Variants in ERBB2 observed in about 807,000 individuals in gnomAD.
The protein encoded by ERBB2 is receptor tyrosine-protein kinase erbB-2.
In ERBB2, 61 loss-of-function variants were observed where a neutral mutation model predicts 149.0. That is an observed-to-expected ratio of 0.41 (90% CI 0.33 to 0.51). ERBB2 has a LOEUF of 0.51. Among genes scored for constraint, ERBB2 ranks in the 20% least tolerant of loss-of-function variants. The pLI, the probability that ERBB2 is intolerant of heterozygous loss-of-function variation, is 0.25. For missense variants in ERBB2, 1,205 were observed against 1,655.1 expected, an observed-to-expected ratio of 0.73 and a Z score of 4.72; for synonymous variants, 633 against 678.8, an observed-to-expected ratio of 0.93 and a Z score of 1.05.
At chr17:39,698,602 C>T (rs1180823120), upstream of ERBB2, among the ~76,000 whole-genome samples, 4 of 146,260 alleles carry the variant, frequency 2.7e-5, no homozygotes, top group Non-Finnish European at 1.5e-5. Flanking sequence ...CCAGAGGCCC[C>T]TGTTTCTCAA....
rs368210132 is a variant in ERBB2, at chr17:39,710,372, T to C, written c.792T>C (p.Cys264=). 2.2e-5 allele frequency: 35 copies of C among 1,614,094 alleles called. No homozygotes were observed. The African/African-American group carries it at 4.5e-4, about 21-fold the overall frequency. ...TCCACTTCAACCACAGTGGCATCTG[T>C]GAGCTGCACTGCCCAGCCCTGGTCA... ...ACLHFNHSGI[C]ELHCPALVTY... Residue 264 remains cysteine (C), a synonymous_variant, in exon 7 of 27, where the codon TGT becomes TGC. Coordinates refer to ENST00000269571, the MANE Select transcript of ERBB2 (RefSeq NM_004448.4).
chr17:39,712,432 C>T lies in ERBB2; in HGVS notation c.1132C>T (p.Pro378Ser), dbSNP rs2145579744. ...KKIFGSLAFL[P>S]ESFDGDPASN... Reference sequence around the variant, plus strand: ...GATCTTTGGGAGCCTGGCATTTCTGCCGGAGAGCTTTGATGGGTAAGAGTG... The same window carrying T: ...GATCTTTGGGAGCCTGGCATTTCTGTCGGAGAGCTTTGATGGGTAAGAGTG... Residue 378 changes from proline (P) to serine (S), a missense_variant, in exon 9 of 27, where the codon CCG becomes TCG. Pro to Ser is a moderately conservative substitution (Grantham distance 74, BLOSUM62 -1). Coordinates refer to ENST00000269571, the MANE Select transcript of ERBB2 (RefSeq NM_004448.4). 6.2e-7 allele frequency: 1 copy of T among 1,613,644 alleles called. No homozygotes were observed. Among genetic ancestry groups the T allele is most frequent in the East Asian group, 2.2e-5 (1 of 44,878 alleles).
rs181793515 is a variant in ERBB2 at position 39,724,257 on chromosome 17, T to C, written c.2307+247T>C. ...CCTCAGGCTCCTGAGTAGCTGGGAT[T>C]ACAAGCGCCCGCTAATTTTTTTTTT... On this transcript the variant is annotated intron_variant, in intron 19 of 26. Coordinates refer to ENST00000269571, the MANE Select transcript of ERBB2 (RefSeq NM_004448.4). Among the ~76,000 whole-genome samples, 7 of 150,418 alleles carry C rather than the reference T, an allele frequency of 4.7e-5. No homozygotes were observed. In the East Asian group the frequency reaches 1.2e-3, roughly 25 times the overall value.
In ERBB2 at chr17:39,724,921, T is replaced by C. The variant is rs1319041227; in HGVS notation, c.2493+10T>C. On this transcript the variant is annotated intron_variant, in intron 20 of 26. Coordinates refer to ENST00000269571, the MANE Select transcript of ERBB2 (RefSeq NM_004448.4). Reference sequence around the variant, plus strand: ...TATGCAGATTGCCAAGGTATGCACCTGGGCTCTTTGCAGGTCTCTCCGGAG... The same window carrying C: ...TATGCAGATTGCCAAGGTATGCACCCGGGCTCTTTGCAGGTCTCTCCGGAG... 1 of 1,612,978 alleles carries C rather than the reference T, an allele frequency of 6.2e-7. No homozygotes were observed. The highest frequency in any genetic ancestry group is 8.5e-7 in the Non-Finnish European group (1 of 1,179,098).
chr17:39,716,024 C>A, intron 12 of ERBB2, 85 bp downstream of exon 12: 2 of 1,337,130 alleles, frequency 1.5e-6, no homozygotes, highest in Non-Finnish European at 2.1e-6. Context: ...CGTTCTTGGA[C>A]TTGTGCAGAC....
chr17:39,715,752 G>T lies in ERBB2; in HGVS notation c.1326G>T (p.Ser442=), dbSNP rs4252632. 2,417 of 1,606,556 alleles carry T rather than the reference G, an allele frequency of 1.5e-3. 23 individuals carry two copies. In the African/African-American group the frequency reaches 0.027, roughly 18 times the overall value. ...RGRILHNGAY[S]LTLQGLGISW... Reference sequence around the variant, plus strand: ...CTTTCTCCCATAGTGGCGCCTACTCGCTGACCCTGCAAGGGCTGGGCATCA... The same window carrying T: ...CTTTCTCCCATAGTGGCGCCTACTCTCTGACCCTGCAAGGGCTGGGCATCA... The change falls in exon 12 of 27, where the codon TCG becomes TCT. Residue 442 remains serine, a synonymous_variant. Transcript: ENST00000269571.
intron 2 of ERBB2, among the ~76,000 whole-genome samples, chr17:39,688,960 C>T (rs2057628963): frequency 6.6e-6 from 1 of 152,108 alleles, no homozygotes; most frequent in Admixed American, 6.5e-5. Flanking sequence ...ACCCTGGGAA[C>T]AGGACGCTTG....
chr17:39,688,209 G>T, exon 1 of ERBB2: 1 of 443,882 alleles, frequency 2.3e-6, no homozygotes, highest in Non-Finnish European at 3.8e-6. Flanking sequence ...CGAGGCGATA[G>T]GGTTAAGGGA....
intron 19 of ERBB2, 128 bp downstream of exon 19, chr17:39,724,138 A>T: frequency 1.5e-6 from 1 of 647,416 alleles, no homozygotes; most frequent in Non-Finnish European, 2.6e-6. Context: ...ATTTTTTTGG[A>T]GACGGAGTCT....
rs574436396 is a variant in ERBB2, at chr17:39,727,301, G to A, written c.3166G>A (p.Gly1056Ser). 7.9e-5 allele frequency: 128 copies of A among 1,612,722 alleles called. No homozygotes were observed. The highest frequency in any genetic ancestry group is 2.3e-4 in the South Asian group (21 of 90,948). ...CTTTCTTTCTTGTCCCCAGAGTGGCGGTGGGGACCTGACACTAGGGCTGGA... is the reference window on the plus strand; with the variant it reads ...CTTTCTTTCTTGTCCCCAGAGTGGCAGTGGGGACCTGACACTAGGGCTGGA... ...RHRSSSTRSG[G>S]GDLTLGLEPS... Residue 1056 changes from glycine (G) to serine (S), a missense_variant, in exon 26 of 27, where the codon GGT becomes AGT. Physicochemically the swap from Gly to Ser is moderately conservative, Grantham distance 56. Around this residue, in one of 6 missense-constraint regions of ERBB2, gnomAD observed 312 missense variants for 343.8 expected, o/e 0.91. Coordinates refer to ENST00000269571, the MANE Select transcript of ERBB2 (RefSeq NM_004448.4). This position sits in a 1 kb window ranked among gnomAD's most constrained non-coding sequence, Gnocchi z 4.3.
At chr17:39,714,180 C>T (rs928914498) in intron 9 of ERBB2, among the ~76,000 whole-genome samples, 3 of 152,082 alleles carry the variant, frequency 2.0e-5, no homozygotes, top group Admixed American at 6.6e-5. Flanking sequence ...TGTAGACACA[C>T]ACACAGTGAA....
chr17:39,701,582 G>T (rs1186318180), intron 1 of ERBB2, among the ~76,000 whole-genome samples: 1 of 152,120 alleles, frequency 6.6e-6, no homozygotes, highest in Non-Finnish European at 1.5e-5. Flanking sequence ...TGTGTTGCCC[G>T]AGGGGCCCTC....
intron 1 of ERBB2, among the ~76,000 whole-genome samples, chr17:39,706,107 G>A (rs2058419898): frequency 6.6e-6 from 1 of 152,212 alleles, no homozygotes; most frequent in Admixed American, 6.5e-5. Context: ...TGGTCTCAGG[G>A]ATACCAGGCT....
chr17:39,725,494 C>G lies in ERBB2; in HGVS notation c.2725+92C>G. 7.2e-7 allele frequency: 1 copy of G among 1,395,986 alleles called. No individual in the cohort carries two copies. Among genetic ancestry groups the G allele is most frequent in the East Asian group, 2.3e-5 (1 of 43,468 alleles). 86.5% of individuals were successfully genotyped at this position (1,395,986 alleles called of 1,614,324 possible). A position where few individuals can be genotyped will look rare whatever the true frequency, so the allele number is the denominator to read the frequency against. ...GATGGGGAGAATTACGGGGCCACCT[C>G]AGCATGTGAAGGGAGGGAAGGGGCT... On this transcript the variant is annotated intron_variant, in intron 22 of 26. Coordinates refer to ENST00000269571, the MANE Select transcript of ERBB2 (RefSeq NM_004448.4). The surrounding 1 kb of genome is among the most constrained non-coding windows in gnomAD (Gnocchi z 4.6).
In ERBB2 at chr17:39,700,153, GC is replaced by G; in HGVS notation, c.-81del. ...GGCCCTTTACTGCGCCGCGCGCCCG[GC>G]CCCCACCCCTCGCAGCACCCCGCGC... On this transcript the variant is annotated 5_prime_UTR_variant, in exon 1 of 27. Coordinates refer to ENST00000269571, the MANE Select transcript of ERBB2 (RefSeq NM_004448.4). The G allele has an allele frequency of 3.8e-6, 5 of 1,327,346 alleles. No homozygotes were observed. The highest frequency in any genetic ancestry group is 2.1e-5 in the South Asian group (1 of 47,232). The allele number at this position is 1,327,346 out of a possible 1,614,324, so 82.2% of individuals were successfully genotyped here. A position where few individuals can be genotyped will look rare whatever the true frequency, so the allele number is the denominator to read the frequency against.
In ERBB2 at chr17:39,725,522, C is replaced by A; in HGVS notation, c.2725+120C>A. 1 of 1,236,956 alleles carries A rather than the reference C, an allele frequency of 8.1e-7. No homozygotes were observed. The highest frequency in any genetic ancestry group is 1.2e-6 in the Non-Finnish European group (1 of 863,638). 76.6% of individuals were successfully genotyped at this position (1,236,956 alleles called of 1,614,324 possible). A position where few individuals can be genotyped will look rare whatever the true frequency, so the allele number is the denominator to read the frequency against. ...CATGTGAAGGGAGGGAAGGGGCTGC[C>A]TGTGCCCCACCTTGCAGGGTCTGTG... On this transcript the variant is annotated intron_variant, in intron 22 of 26. Coordinates refer to ENST00000269571, the MANE Select transcript of ERBB2 (RefSeq NM_004448.4). This position sits in a 1 kb window ranked among gnomAD's most constrained non-coding sequence, Gnocchi z 4.6.
At chr17:39,692,427 G>T (rs1320132652), upstream of ERBB2, among the ~76,000 whole-genome samples, 2 of 147,768 alleles carry the variant, frequency 1.4e-5, no homozygotes, top group South Asian at 4.3e-4. Flanking sequence ...TTTTTTAAAC[G>T]GAGTTTTTGC....
intron 16 of ERBB2, among the ~76,000 whole-genome samples, chr17:39,720,555 A>G (rs1178951642): frequency 6.6e-6 from 1 of 152,178 alleles, no homozygotes; most frequent in Non-Finnish European, 1.5e-5. Flanking sequence ...CTTGGTATGT[A>G]CCAGACCCTG....
At chr17:39,701,644 C>A (rs2058117280) in intron 1 of ERBB2, among the ~76,000 whole-genome samples, 1 of 151,968 alleles carries the variant, frequency 6.6e-6, no homozygotes, top group African/African-American at 2.4e-5. Context: ...CCAGGGTGTT[C>A]CTCAGTTGTG....
Sources: gnomAD v4.1 joint callset for allele counts (sites outside exome capture counted in the v4.1 genomes callset) on GRCh38, gnomAD v4.1.1 for gene constraint, gnomAD v4.1.1 regional missense constraint, Gnocchi (gnomAD v3.1) non-coding constraint, MANE v1.5 for transcripts, NCBI Gene and HGNC (gene_info 2026-07-23, HGNC 2026-07-21) for gene names.